The following TRIM2 variants were observed in gnomAD, a reference collection of about 807,000 sequenced individuals.
TRIM2 encodes the protein tripartite motif-containing protein 2.
In TRIM2, 20 loss-of-function variants were observed where a neutral mutation model predicts 75.2. The ratio of observed to expected loss-of-function variants is 0.27; its 90% CI spans 0.19 to 0.39. The LOEUF (loss-of-function observed/expected upper bound fraction) is 0.39, where lower values mean the gene tolerates loss of function less well. Among genes scored for constraint, TRIM2 ranks in the 10% least tolerant of loss-of-function variants. The probability of loss-of-function intolerance (pLI) is 1.00; values close to 1 mark genes in which losing one functional copy is unlikely to be tolerated. For missense variants in TRIM2, 660 were observed against 990.8 expected (o/e 0.67, Z 4.48); for synonymous variants, 373 against 388.3 (o/e 0.96, Z 0.46).
Position 153,337,923 on chromosome 4 carries a change from T to C in TRIM2, c.*2957T>C. 5 of 985,778 alleles carry C rather than the reference T, an allele frequency of 5.1e-6. No individual in the cohort carries two copies. The highest frequency in any genetic ancestry group is 6.0e-6 in the Non-Finnish European group (5 of 829,906). The allele number at this position is 985,778 out of a possible 1,614,324, so 61.1% of individuals were successfully genotyped here. A position where few individuals can be genotyped will look rare whatever the true frequency, so the allele number is the denominator to read the frequency against. ...ACCCCCCAGCCCCCCTTGCTGGACA[T>C]GGGGAGGCAGAGAGTCACTTGACCA... On this transcript the variant is annotated 3_prime_UTR_variant, in exon 12 of 12. Transcript: ENST00000338700.
intron 2 of TRIM2, among the ~76,000 whole-genome samples, chr4:153,273,455 T>G (rs1327508335): frequency 7.1e-6 from 1 of 140,108 alleles, no homozygotes; most frequent in South Asian, 2.3e-4. Context: ...TTTTTTTTTT[T>G]TTTTTTTTTT....
chr4:153,279,013 AT>A (rs2150073825), intron 3 of TRIM2, among the ~76,000 whole-genome samples: 1 of 152,280 alleles, frequency 6.6e-6, no homozygotes, highest in East Asian at 1.9e-4. Flanking sequence ...TTTGACGTCA[AT>A]TTCTTAAATT....
intron 6 of TRIM2, among the ~76,000 whole-genome samples, chr4:153,305,851 G>C (rs1191922989): frequency 6.6e-6 from 1 of 152,150 alleles, no homozygotes; most frequent in Non-Finnish European, 1.5e-5. Context: ...TCAAACTATA[G>C]CAGAGATCAA....
At chr4:153,232,365 G>A (rs1306537084) in intron 1 of TRIM2, among the ~76,000 whole-genome samples, 4 of 152,194 alleles carry the variant, frequency 2.6e-5, no homozygotes, top group Non-Finnish European at 5.9e-5. Context: ...TGGTCGTGGT[G>A]GCGCACGCCT....
At chr4:153,272,705 A>C (rs1053765048) in intron 2 of TRIM2, among the ~76,000 whole-genome samples, 1 of 150,328 alleles carries the variant, frequency 6.7e-6, no homozygotes, top group Non-Finnish European at 1.5e-5. Context: ...TCCTGAGCGC[A>C]AGCAATCCAA....
chr4:153,337,902 C>G lies in TRIM2; in HGVS notation c.*2936C>G. The G allele has an allele frequency of 1.0e-6, 1 of 985,816 alleles. No homozygotes were observed. Among genetic ancestry groups the G allele is most frequent in the Non-Finnish European group, 1.2e-6 (1 of 829,928 alleles). 61.1% of individuals were successfully genotyped at this position (985,816 alleles called of 1,614,324 possible). A position where few individuals can be genotyped will look rare whatever the true frequency, so the allele number is the denominator to read the frequency against. ...ACGCATTTCCTCCCAGTACAGACCC[C>G]CCAGCCCCCCTTGCTGGACATGGGG... On this transcript the variant is annotated 3_prime_UTR_variant, in exon 12 of 12. Coordinates refer to ENST00000338700, the MANE Select transcript of TRIM2 (RefSeq NM_015271.5).
At chr4:153,239,667 G>C (rs1308222732) in intron 1 of TRIM2, among the ~76,000 whole-genome samples, 1 of 151,994 alleles carries the variant, frequency 6.6e-6, no homozygotes, top group Non-Finnish European at 1.5e-5. Context: ...TTTTCTTCTC[G>C]TTCTGTCTTC....
chr4:153,242,903 A>G (rs1395339770), intron 1 of TRIM2, among the ~76,000 whole-genome samples: 1 of 152,214 alleles, frequency 6.6e-6, no homozygotes, highest in Non-Finnish European at 1.5e-5. Flanking sequence ...ATCAAACTGG[A>G]TATCTCCACT....
intron 1 of TRIM2, among the ~76,000 whole-genome samples, chr4:153,178,666 A>G (rs547668720): frequency 6.6e-6 from 1 of 152,186 alleles, no homozygotes; most frequent in Non-Finnish European, 1.5e-5. Context: ...TTTGAGACTC[A>G]TGCATCCTGT....
intron 1 of TRIM2, among the ~76,000 whole-genome samples, chr4:153,264,512 G>A (rs1329284995): frequency 6.6e-6 from 1 of 150,910 alleles, no homozygotes; most frequent in Non-Finnish European, 1.5e-5. Context: ...CACTGGTTAT[G>A]TGGGTAAGAA....
intron 1 of TRIM2, among the ~76,000 whole-genome samples, chr4:153,267,605 C>T (rs775199402): frequency 5.9e-5 from 9 of 151,888 alleles, no homozygotes; most frequent in Non-Finnish European, 1.3e-4. Flanking sequence ...GAGGCGAGAT[C>T]GCGCCACTGC....
chr4:153,244,411 C>A (rs1471992815), intron 1 of TRIM2, among the ~76,000 whole-genome samples: 3 of 89,766 alleles, frequency 3.3e-5, no homozygotes, highest in Non-Finnish European at 6.0e-5. Context: ...TCTTCTTCTT[C>A]TTCTTCTTCT....
chr4:153,272,166 T>A lies in TRIM2; in HGVS notation c.215+1647T>A, dbSNP rs184802636. 5.3e-4 allele frequency among the ~76,000 whole-genome samples: 81 copies of A among 152,258 alleles called. 1 individual carries two copies. The highest frequency in any genetic ancestry group is 7.3e-4 in the Non-Finnish European group (50 of 68,036). ...TCTTTTTTTATTTTATTTTTAATTT[T>A]GAGATGGAGTCGCACTCTGTTGCCC... On this transcript the variant is annotated intron_variant, in intron 2 of 11. Transcript: ENST00000338700.
intron 1 of TRIM2, among the ~76,000 whole-genome samples, chr4:153,264,994 A>G (rs552771739): frequency 2.0e-5 from 3 of 152,352 alleles, no homozygotes; most frequent in South Asian, 4.1e-4. Context: ...ACTACAATAT[A>G]GAGACTTGCT....
intron 1 of TRIM2, among the ~76,000 whole-genome samples, chr4:153,219,268 T>G (rs1739326276): frequency 6.6e-6 from 1 of 151,944 alleles, no homozygotes; most frequent in Non-Finnish European, 1.5e-5. Context: ...TGTTGAGGAG[T>G]GGCAGTCATA....
At chr4:153,328,079 G>A (rs1487825071) in intron 10 of TRIM2, among the ~76,000 whole-genome samples, 2 of 152,114 alleles carry the variant, frequency 1.3e-5, no homozygotes, top group Admixed American at 6.6e-5. Flanking sequence ...AATAAATTCT[G>A]AGCATCTGGC....
chr4:153,236,437 C>T (rs1440266321), intron 1 of TRIM2, among the ~76,000 whole-genome samples: 3 of 152,116 alleles, frequency 2.0e-5, no homozygotes, highest in African/African-American at 7.2e-5. Context: ...TTTAGCCCCA[C>T]AAACCCACTA....
chr4:153,280,420 C>G (rs1759051951), intron 3 of TRIM2, among the ~76,000 whole-genome samples: 2 of 130,596 alleles, frequency 1.5e-5, no homozygotes, highest in African/African-American at 6.1e-5. Context: ...CACTCTGTCA[C>G]CAAGGCTAGA....
intron 1 of TRIM2, among the ~76,000 whole-genome samples, chr4:153,237,510 C>G (rs973325435): frequency 6.6e-6 from 1 of 152,062 alleles, no homozygotes; most frequent in Non-Finnish European, 1.5e-5. Flanking sequence ...GAAACCCTGT[C>G]TCTACTGAAA....
Sources: allele counts gnomAD v4.1 joint callset (sites outside exome capture counted in the v4.1 genomes callset), GRCh38; gene constraint gnomAD v4.1.1; transcripts MANE v1.5; gene names NCBI Gene and HGNC (gene_info 2026-07-23, HGNC 2026-07-21).